Variants in BTBD18 observed in about 807,000 individuals in gnomAD.
The protein encoded by BTBD18 is BTB/POZ domain-containing protein 18.
For synonymous variants in BTBD18, 311 were observed against 324.4 expected, an observed-to-expected ratio of 0.96 and a Z score of 0.44; for missense variants, 787 against 846.3, an observed-to-expected ratio of 0.93 and a Z score of 0.87.
At chr11:57,746,794 T>C (rs1590995353) in intron 2 of BTBD18, among the ~76,000 whole-genome samples, 1 of 114,176 alleles carries the variant, frequency 8.8e-6, no homozygotes, top group Non-Finnish European at 1.7e-5. Flanking sequence ...AACACAGTTA[T>C]ACCTTGTCTC....
chr11:57,744,955 G>T lies in BTBD18; in HGVS notation c.1318C>A (p.Pro440Thr), dbSNP rs774642543. The part of the protein sequence containing the change: ...LVSASHSPDH[P>T]VVKSEFESSP... ...GACTCAAACTCTGACTTCACCACTG[G>T]GTGGTCTGGGGAGTGGCTAGCAGAG... is the stretch of plus-strand genomic sequence containing the variant. The change falls in exon 3 of 3, where the codon CCA becomes ACA. Residue 440 changes from proline (P) to threonine (T), a missense_variant. Physicochemically the swap from Pro to Thr is conservative, Grantham distance 38. Coordinates refer to ENST00000422652, the MANE Select transcript of BTBD18 (RefSeq NM_001145101.3). 6 of 1,551,616 alleles carry T rather than the reference G, an allele frequency of 3.9e-6. No homozygotes were observed. Among genetic ancestry groups the T allele is most frequent in the Non-Finnish European group, 5.2e-6 (6 of 1,146,938 alleles).
intron 2 of BTBD18, among the ~76,000 whole-genome samples, chr11:57,749,608 G>C (rs1949260514): frequency 2.0e-5 from 3 of 152,000 alleles, no homozygotes; most frequent in Admixed American, 2.0e-4. Flanking sequence ...AAATTAGCCA[G>C]GTGTGGTGGC....
chr11:57,749,863 A>G (rs1403604707), intron 2 of BTBD18, among the ~76,000 whole-genome samples: 1 of 151,778 alleles, frequency 6.6e-6, no homozygotes, highest in Non-Finnish European at 1.5e-5. Context: ...AAATGAAGAC[A>G]TTGAGCCCCA....
At position 57,745,109 on chromosome 11, in the gene BTBD18, A is replaced by C; in HGVS notation, c.1164T>G (p.Asp388Glu). 1.3e-6 allele frequency: 2 copies of C among 1,551,646 alleles called. No homozygotes were observed. Among genetic ancestry groups the C allele is most frequent in the South Asian group, 1.2e-5 (1 of 84,054 alleles). Residue 388 changes from aspartate (D) to glutamate (E), a missense_variant, in exon 3 of 3, where the codon GAT (aspartate) becomes GAG (glutamate). Coordinates refer to ENST00000422652, the MANE Select transcript of BTBD18 (RefSeq NM_001145101.3). ...AAGGCTCTTGGAAGTCTCCTCCGGG[A>C]TCTGGGATCTGGGGGCTATCTTGAG... ...KNTQDSPQIP[D>E]PGGDFQEPSG...
Position 57,743,730 on chromosome 11 carries a change from T to G in BTBD18, c.*404A>C, listed in dbSNP as rs1437671878. On this transcript the variant is annotated 3_prime_UTR_variant, in exon 3 of 3. Coordinates refer to ENST00000422652, the MANE Select transcript of BTBD18 (RefSeq NM_001145101.3). ...ATTCCACCCAACACTGCTTCACACC[T>G]TCCTCTGGAACATTTTCTTAAACAA... The G allele has an allele frequency of 5.6e-6, 1 of 177,030 alleles. No homozygotes were observed. Among genetic ancestry groups the G allele is most frequent in the African/African-American group, 2.4e-5 (1 of 41,878 alleles). 11.0% of individuals were successfully genotyped at this position (177,030 alleles called of 1,614,324 possible).
chr11:57,746,477 A>G (rs1949194514), intron 2 of BTBD18, among the ~76,000 whole-genome samples: 1 of 151,770 alleles, frequency 6.6e-6, no homozygotes, highest in Admixed American at 6.6e-5. Flanking sequence ...TTACAGGCGC[A>G]TGCTGCCACA....
rs1177978362 is a variant in BTBD18 at position 57,746,282 on chromosome 11, T to A, written c.125-134A>T. On this transcript the variant is annotated intron_variant, in intron 2 of 2. Transcript: ENST00000422652. ...TGGGACTTCAAGTAAAAGAAAAAAA[T>A]TATTCTTCTGCCTGCCTGGAACCTT... 6 of 705,464 alleles carry A rather than the reference T, an allele frequency of 8.5e-6. No individual in the cohort carries two copies. In the East Asian group the frequency reaches 1.8e-4, roughly 21 times the overall value. The allele number at this position is 705,464 out of a possible 1,614,324, so 43.7% of individuals were successfully genotyped here. A position where few individuals can be genotyped will look rare whatever the true frequency, so the allele number is the denominator to read the frequency against.
upstream of BTBD18, among the ~76,000 whole-genome samples, chr11:57,752,516 C>T (rs1949333979): frequency 6.6e-6 from 1 of 150,554 alleles, no homozygotes; most frequent in Non-Finnish European, 1.5e-5. Context: ...CAGAGCGAGA[C>T]TCCGTCTCAA....
In BTBD18 at chr11:57,749,960, C is replaced by T. The variant is rs372125631; in HGVS notation, c.124+1105G>A. On this transcript the variant is annotated intron_variant, in intron 2 of 2. Coordinates refer to ENST00000422652, the MANE Select transcript of BTBD18 (RefSeq NM_001145101.3). ...CTGACTCCTAATCTTGGGCCTTGTA[C>T]ATTATATATCAGGGTCTACTTTATG... 2.8e-4 allele frequency among the ~76,000 whole-genome samples: 42 copies of T among 152,184 alleles called. No homozygotes were observed. In the East Asian group the frequency reaches 6.9e-3, roughly 25 times the overall value.
Position 57,744,962 on chromosome 11 carries a change from T to G in BTBD18, c.1311A>C (p.Pro437=). Residue 437 remains proline (P), a synonymous_variant, in exon 3 of 3, where the codon CCA becomes CCC. Coordinates refer to ENST00000422652, the MANE Select transcript of BTBD18 (RefSeq NM_001145101.3). ...QDILVSASHS[P]DHPVVKSEFE... ...ACTCTGACTTCACCACTGGGTGGTCTGGGGAGTGGCTAGCAGAGACCAGAA... is the reference window on the plus strand; with the variant it reads ...ACTCTGACTTCACCACTGGGTGGTCGGGGGAGTGGCTAGCAGAGACCAGAA... The G allele has an allele frequency of 6.4e-7, 1 of 1,551,658 alleles. No individual in the cohort carries two copies. The highest frequency in any genetic ancestry group is 8.7e-7 in the Non-Finnish European group (1 of 1,146,956).
upstream of BTBD18, chr11:57,751,864 C>A (rs1448492619): frequency 1.3e-5 from 2 of 152,126 alleles, no homozygotes; most frequent in Non-Finnish European, 2.9e-5. Flanking sequence ...AGAGGGTGCA[C>A]AATAAAGAAG....
Position 57,745,758 on chromosome 11 carries a change from G to C in BTBD18, c.515C>G (p.Thr172Ser). The C allele has an allele frequency of 1.3e-6, 2 of 1,551,630 alleles. No individual in the cohort carries two copies. Among genetic ancestry groups the C allele is most frequent in the Non-Finnish European group, 1.7e-6 (2 of 1,146,954 alleles). Reference sequence around the variant, plus strand: ...TCTTATTGCCCCAAGAGGACAAGGAGTTTGATTAGTGGGCAGTGGGGTGTG... The same window carrying C: ...TCTTATTGCCCCAAGAGGACAAGGACTTTGATTAGTGGGCAGTGGGGTGTG... ...HPHTPLPTNQ[T>S]PCPLGAIRLK... Residue 172 changes from threonine to serine, a missense_variant, in exon 3 of 3, where the codon ACT becomes AGT. Physicochemically the swap from Thr to Ser is moderately conservative, Grantham distance 58 (BLOSUM62 1). Coordinates refer to ENST00000422652, the MANE Select transcript of BTBD18 (RefSeq NM_001145101.3).
In BTBD18 at chr11:57,745,165, C is replaced by G. The variant is rs1367003606; in HGVS notation, c.1108G>C (p.Glu370Gln). 2 of 1,551,680 alleles carry G rather than the reference C, an allele frequency of 1.3e-6. No individual in the cohort carries two copies. The highest frequency in any genetic ancestry group is 1.4e-5 in the African/African-American group (1 of 73,152). The change falls in exon 3 of 3, where the codon GAA (glutamate) becomes CAA (glutamine). Residue 370 changes from glutamate (E) to glutamine (Q), a missense_variant. Transcript: ENST00000422652. Reference sequence around the variant, plus strand: ...TTGAGAGGAGTCTCTTGTACCACTTCCCAGCAAGTCCCATTGACAATCTTC... The same window carrying G: ...TTGAGAGGAGTCTCTTGTACCACTTGCCAGCAAGTCCCATTGACAATCTTC... Reference protein sequence around the residue: ...LRKIVNGTCWEVVQETPLKNT... With the variant: ...LRKIVNGTCWQVVQETPLKNT...
Position 57,744,791 on chromosome 11 carries a change from C to T in BTBD18, c.1482G>A (p.Leu494=). 6.4e-7 allele frequency: 1 copy of T among 1,551,758 alleles called. No individual in the cohort carries two copies. Among genetic ancestry groups the T allele is most frequent in the Non-Finnish European group, 8.7e-7 (1 of 1,147,010 alleles). The part of the protein sequence containing the change: ...RITSAAATSE[L]EEILDFMLCG... ...AGAGCATGAAGTCCAGGATCTCCTCCAGCTCACTGGTGGCAGCAGCACTTG... is the reference window on the plus strand; with the variant it reads ...AGAGCATGAAGTCCAGGATCTCCTCTAGCTCACTGGTGGCAGCAGCACTTG... The change falls in exon 3 of 3, where the codon CTG becomes CTA. Residue 494 remains leucine (L), a synonymous_variant. Transcript: ENST00000422652.
At chr11:57,748,865 C>A (rs1949243772) in intron 2 of BTBD18, among the ~76,000 whole-genome samples, 1 of 152,174 alleles carries the variant, frequency 6.6e-6, no homozygotes, top group African/African-American at 2.4e-5. Context: ...CCTGAGATAC[C>A]TACTTCCTTT....
At position 57,745,430 on chromosome 11, in the gene BTBD18, G is replaced by C; in HGVS notation, c.843C>G (p.Ser281Arg). 1 of 1,551,538 alleles carries C rather than the reference G, an allele frequency of 6.4e-7. No individual in the cohort carries two copies. The highest frequency in any genetic ancestry group is 2.4e-5 in the East Asian group (1 of 40,926). The change falls in exon 3 of 3, where the codon AGC (serine) becomes AGG (arginine). Residue 281 changes from serine (S) to arginine (R), a missense_variant. Physicochemically the swap from Ser to Arg is moderately radical, Grantham distance 110. Coordinates refer to ENST00000422652, the MANE Select transcript of BTBD18 (RefSeq NM_001145101.3). Reference protein sequence around the residue: ...SPGICTSKPSSILSGSSSVPA... With the variant: ...SPGICTSKPSRILSGSSSVPA... Reference sequence around the variant, plus strand: ...GCACTGAGCTAGATCCACTTAAAATGCTGGAAGGCTTTGATGTACAGATAC... The same window carrying C: ...GCACTGAGCTAGATCCACTTAAAATCCTGGAAGGCTTTGATGTACAGATAC...
At chr11:57,750,954 G>A (rs1432747756) in intron 2 of BTBD18, 111 bp downstream of exon 2, 1 of 826,204 alleles carries the variant, frequency 1.2e-6, no homozygotes, top group Non-Finnish European at 1.7e-6. Flanking sequence ...ATAGTTTACA[G>A]TGGTCATAGG....
At position 57,743,949 on chromosome 11, in the gene BTBD18, A is replaced by G; in HGVS notation, c.*185T>C. ...AGATGGTACAAGTTCATAATTTTCT[A>G]TCTATGGTACCCTTGGCTTCTGCCT... On this transcript the variant is annotated 3_prime_UTR_variant, in exon 3 of 3. Transcript: ENST00000422652. 5.5e-6 allele frequency: 3 copies of G among 542,592 alleles called. No homozygotes were observed. Among genetic ancestry groups the G allele is most frequent in the East Asian group, 5.8e-5 (2 of 34,494 alleles). 33.6% of individuals were successfully genotyped at this position (542,592 alleles called of 1,614,324 possible).
chr11:57,743,550 A>G lies in BTBD18; in HGVS notation c.*584T>C, dbSNP rs1349128988. The stretch of plus-strand genomic sequence containing the variant: ...AAGTAAATAATTTATTTTTTAAAAA[A>G]GCAACTGTATCTTTTTCAACTTACT... On this transcript the variant is annotated 3_prime_UTR_variant, in exon 3 of 3. Coordinates refer to ENST00000422652, the MANE Select transcript of BTBD18 (RefSeq NM_001145101.3). 2.6e-5 allele frequency: 4 copies of G among 151,970 alleles called. No individual in the cohort carries two copies. Among genetic ancestry groups the G allele is most frequent in the African/African-American group, 9.7e-5 (4 of 41,434 alleles). 9.4% of individuals were successfully genotyped at this position (151,970 alleles called of 1,614,324 possible). A position where few individuals can be genotyped will look rare whatever the true frequency, so the allele number is the denominator to read the frequency against.
Sources: gnomAD v4.1 joint callset for allele counts (sites outside exome capture counted in the v4.1 genomes callset) on GRCh38, gnomAD v4.1.1 for gene constraint, MANE v1.5 for transcripts, NCBI Gene and HGNC (gene_info 2026-07-23, HGNC 2026-07-21) for gene names.